The following BEAN1 variants were observed in gnomAD, a reference collection of about 807,000 sequenced individuals.
BEAN1 encodes protein BEAN1.
BEAN1 carries 17 observed loss-of-function variants against 17.7 expected under a neutral mutation model. The observed-to-expected ratio is 0.96, with a 90% confidence interval of 0.66 to 1.44. The LOEUF (loss-of-function observed/expected upper bound fraction) is 1.44, where lower values mean the gene tolerates loss of function less well. Ranked by LOEUF, BEAN1 falls within the 40% of genes most tolerant of loss-of-function variation. The pLI is 0.00. For synonymous variants in BEAN1, 142 were observed against 151.8 expected (o/e 0.94, Z 0.47); for missense variants, 359 against 374.1 (o/e 0.96, Z 0.33).
chr16:66,430,624 C>T (rs1466360078), intron 1 of BEAN1, among the ~76,000 whole-genome samples: 2 of 152,146 alleles, frequency 1.3e-5, no homozygotes, highest in African/African-American at 4.8e-5. Flanking sequence ...TAGACACCTT[C>T]GTATTTTGTT....
chr16:66,491,118 CCAGGAGAGAG>C (rs1445953474), intron 4 of BEAN1, among the ~76,000 whole-genome samples: 1 of 152,214 alleles, frequency 6.6e-6, no homozygotes, highest in Non-Finnish European at 1.5e-5. Flanking sequence ...TCAGCTACTA[CCAGGAGAGAG>C]CAGGGGAGGG....
intron 1 of BEAN1, among the ~76,000 whole-genome samples, chr16:66,429,796 G>T (rs1961726498): frequency 6.6e-6 from 1 of 152,106 alleles, no homozygotes; most frequent in South Asian, 2.1e-4. Flanking sequence ...AGTTAATCAG[G>T]AACTAATTAG....
chr16:66,476,425 T>C (rs1963749751), intron 3 of BEAN1: 1 of 152,200 alleles, frequency 6.6e-6, no homozygotes, highest in South Asian at 2.1e-4. Context: ...ATCAGCTTCC[T>C]TGTCTGTAGA....
At chr16:66,484,339 C>A (rs1241351006), downstream of BEAN1, 7 of 342,946 alleles carry the variant, frequency 2.0e-5, no homozygotes, top group Non-Finnish European at 3.4e-5. This position sits in a 1 kb window ranked among gnomAD's most constrained non-coding sequence, Gnocchi z 4.2. Context: ...CACACCGACA[C>A]CCAGCTCCCA....
At chr16:66,446,287 T>C (rs545216421) in intron 2 of BEAN1, among the ~76,000 whole-genome samples, 1 of 152,192 alleles carries the variant, frequency 6.6e-6, no homozygotes, top group Non-Finnish European at 1.5e-5. Flanking sequence ...GGATCAGATT[T>C]GAAGGTGAAA....
At chr16:66,484,263 G>T, downstream of BEAN1, 1 of 292,944 alleles carries the variant, frequency 3.4e-6, no homozygotes, top group Non-Finnish European at 6.7e-6. The surrounding 1 kb of genome is among the most constrained non-coding windows in gnomAD (Gnocchi z 4.2). Context: ...CACCTCCTGG[G>T]AATGAATGCA....
At chr16:66,443,058 A>T (rs1044511161) in intron 2 of BEAN1, among the ~76,000 whole-genome samples, 2 of 152,088 alleles carry the variant, frequency 1.3e-5, no homozygotes, top group African/African-American at 4.8e-5. Flanking sequence ...AGCAGACATC[A>T]CTAATCAATT....
intron 2 of BEAN1, among the ~76,000 whole-genome samples, chr16:66,441,077 C>T (rs375346485): frequency 1.3e-5 from 2 of 152,212 alleles, no homozygotes; most frequent in African/African-American, 2.4e-5. Flanking sequence ...TTCACTTGTT[C>T]GTGCCGCCAG....
At chr16:66,464,180 C>T (rs745627467) in intron 2 of BEAN1, among the ~76,000 whole-genome samples, 12 of 152,154 alleles carry the variant, frequency 7.9e-5, no homozygotes, top group Non-Finnish European at 1.3e-4. Context: ...AAGGCTGGGA[C>T]TTTGATCAGC....
intron 2 of BEAN1, among the ~76,000 whole-genome samples, chr16:66,440,173 A>G (rs1289681331): frequency 8.4e-6 from 1 of 119,174 alleles, no homozygotes; most frequent in Non-Finnish European, 1.6e-5. Context: ...GCTGCCACCC[A>G]GGCTGGAGTG....
intron 3 of BEAN1, among the ~76,000 whole-genome samples, chr16:66,476,770 T>C (rs1188698939): frequency 5.3e-5 from 8 of 152,208 alleles, no homozygotes. Flanking sequence ...TAAACAGTGT[T>C]ACTAGGTCTA....
intron 1 of BEAN1, among the ~76,000 whole-genome samples, chr16:66,436,422 C>T (rs1962022088): frequency 6.6e-6 from 1 of 150,870 alleles, no homozygotes. Context: ...CGCCTGCCAC[C>T]ATGCCCGGCT....
At chr16:66,437,563 C>A in intron 1 of BEAN1, 32 bp from the exon 2 acceptor site, 7 of 1,288,160 alleles carry the variant, frequency 5.4e-6, no homozygotes, top group Non-Finnish European at 7.4e-6. Flanking sequence ...CGCCATGGGC[C>A]CCCCAACACC....
chr16:66,467,897 T>A (rs940958248), intron 2 of BEAN1, among the ~76,000 whole-genome samples: 1 of 152,236 alleles, frequency 6.6e-6, no homozygotes, highest in South Asian at 2.1e-4. Context: ...CCCAAGGGCA[T>A]GTTTCTAGCC....
rs988022851 is a variant in BEAN1, at chr16:66,469,849, G to A, written c.273G>A (p.Glu91=). The part of the protein sequence containing the change: ...HHHHRRRRHR[E]YEHGYVSDEH... ...ACCACCGCCGGCGTCGACACCGAGA[G>A]TACGAGCACGGCTACGGTGAGCCGC... Residue 91 remains glutamate, a synonymous_variant, in exon 3 of 5, where the codon GAG becomes GAA. Coordinates refer to ENST00000536005, the MANE Select transcript of BEAN1 (RefSeq NM_001178020.3). 16 of 1,534,768 alleles carry A rather than the reference G, an allele frequency of 1.0e-5. No homozygotes were observed. The highest frequency in any genetic ancestry group is 1.4e-5 in the Non-Finnish European group (16 of 1,146,634).
intron 2 of BEAN1, among the ~76,000 whole-genome samples, chr16:66,463,578 G>A (rs905468955): frequency 1.3e-5 from 2 of 152,242 alleles, no homozygotes; most frequent in Middle Eastern, 3.4e-3. Flanking sequence ...TATCTTCTCC[G>A]ATTCTACCGA....
At chr16:66,489,865 G>A (rs920395371) in intron 4 of BEAN1, among the ~76,000 whole-genome samples, 2 of 151,996 alleles carry the variant, frequency 1.3e-5, no homozygotes, top group East Asian at 3.9e-4. Flanking sequence ...AACTCCAACT[G>A]GGATGCAGTT....
chr16:66,477,567 C>T lies in BEAN1; in HGVS notation c.297C>T (p.Asp99=), dbSNP rs947076270. The T allele has an allele frequency of 6.5e-6, 10 of 1,543,440 alleles. No individual in the cohort carries two copies. The highest frequency in any genetic ancestry group is 7.0e-6 in the Non-Finnish European group (8 of 1,144,492). Residue 99 remains aspartate (D), a synonymous_variant, in exon 4 of 5, where the codon GAC becomes GAT. Transcript: ENST00000536005. ...GTGGTCTGTTCCCTGCAGTGTCGGA[C>T]GAGCACACATACAGCCGCTCAAGCC... The part of the protein sequence containing the change: ...HREYEHGYVS[D]EHTYSRSSRR...
rs116141595 is a variant in BEAN1 at position 66,477,958 on chromosome 16, G to A, written c.440+248G>A. 402 of 381,232 alleles carry A rather than the reference G, an allele frequency of 1.1e-3. 1 individual carries two copies. The highest frequency in any genetic ancestry group is 6.8e-3 in the African/African-American group (323 of 47,538). The allele number at this position is 381,232 out of a possible 1,614,324, so 23.6% of individuals were successfully genotyped here. A position where few individuals can be genotyped will look rare whatever the true frequency, so the allele number is the denominator to read the frequency against. On this transcript the variant is annotated intron_variant, in intron 4 of 4. Transcript: ENST00000536005. ...GACAAGCCCACCTCCTCAGGCTGTT[G>A]AGTAGGCATGCCGGGAATGCCCCTG... is the stretch of plus-strand genomic sequence containing the variant.
Sources: allele counts gnomAD v4.1 joint callset (sites outside exome capture counted in the v4.1 genomes callset), GRCh38; gene constraint gnomAD v4.1.1; non-coding constraint Gnocchi (gnomAD v3.1); transcripts MANE v1.5; gene names NCBI Gene and HGNC (gene_info 2026-07-23, HGNC 2026-07-21).